Variants in GOLGB1 observed in about 807,000 individuals in gnomAD.
GOLGB1 encodes the protein golgin subfamily B member 1.
Under a neutral mutation model 336.9 loss-of-function variants are expected in GOLGB1, and 174 were observed. The ratio of observed to expected loss-of-function variants is 0.52; its 90% CI spans 0.46 to 0.59. The LOEUF (loss-of-function observed/expected upper bound fraction) is 0.59, where lower values mean the gene tolerates loss of function less well. Among genes scored for constraint, GOLGB1 ranks in the 20% least tolerant of loss-of-function variants. The pLI is 0.00. For missense variants in GOLGB1, 3,331 were observed against 3,645.3 expected, an observed-to-expected ratio of 0.91 and a Z score of 2.22; for synonymous variants, 1,208 against 1,289.2, an observed-to-expected ratio of 0.94 and a Z score of 1.35.
intron 1 of GOLGB1, among the ~76,000 whole-genome samples, chr3:121,745,974 GCATGTCCCTAGC>G (rs1383488474): frequency 1.3e-5 from 2 of 152,150 alleles, no homozygotes; most frequent in Non-Finnish European, 2.9e-5. Flanking sequence ...GAATTATAAA[GCATGTCCCTAGC>G]CACCGAAAAC....
chr3:121,669,755 C>T (rs762558900), intron 17 of GOLGB1, among the ~76,000 whole-genome samples: 6 of 152,140 alleles, frequency 3.9e-5, no homozygotes, highest in Non-Finnish European at 7.3e-5. Context: ...CTCAATATGG[C>T]TGGAGAGAGC....
chr3:121,716,295 A>C (rs1323207358), intron 9 of GOLGB1, among the ~76,000 whole-genome samples: 1 of 152,186 alleles, frequency 6.6e-6, no homozygotes, highest in African/African-American at 2.4e-5. Context: ...TAAGACAAGA[A>C]ATCAGGTGAA....
intron 17 of GOLGB1, among the ~76,000 whole-genome samples, chr3:121,674,814 G>T (rs1336491751): frequency 6.6e-6 from 1 of 151,182 alleles, no homozygotes; most frequent in African/African-American, 2.4e-5. Context: ...GGCTAGGAAT[G>T]AGGTGCCTTT....
At chr3:121,718,194 G>A (rs1427730655) in intron 8 of GOLGB1, among the ~76,000 whole-genome samples, 194 bp downstream of exon 8, 3 of 152,124 alleles carry the variant, frequency 2.0e-5, no homozygotes, top group Non-Finnish European at 4.4e-5. Context: ...CTCCATGAGG[G>A]AAAGAACTGT....
intron 19 of GOLGB1, 97 bp downstream of exon 19, chr3:121,667,962 CAT>C: frequency 1.6e-6 from 1 of 626,348 alleles, no homozygotes; most frequent in Non-Finnish European, 2.9e-6. Flanking sequence ...GATAACAAGA[CAT>C]ATTAAATCCA....
At position 121,714,966 on chromosome 3, in the gene GOLGB1, C is replaced by A. The variant is rs377629074; in HGVS notation, c.1299G>T (p.Gln433His). ...ATTGGCTAATTTCTTTGGATTTTTG[C>A]TGGAGCTGATCTAAGGAAAAGAAAA... ...QTIQQLEDQL[Q>H]QKSKEISQFL... The change falls in exon 10 of 22, where the codon CAG (glutamine) becomes CAT (histidine). Residue 433 changes from glutamine (Q) to histidine (H), a missense_variant. Coordinates refer to ENST00000614479, the MANE Select transcript of GOLGB1 (RefSeq NM_001366282.2). 6.3e-7 allele frequency: 1 copy of A among 1,593,108 alleles called. No individual in the cohort carries two copies. The highest frequency in any genetic ancestry group is 1.3e-5 in the African/African-American group (1 of 74,446).
chr3:121,724,235 G>A (rs1945392938), intron 5 of GOLGB1, among the ~76,000 whole-genome samples: 1 of 152,136 alleles, frequency 6.6e-6, no homozygotes, highest in Non-Finnish European at 1.5e-5. Flanking sequence ...ACTACAGAAA[G>A]CTTAGCACTC....
At chr3:121,704,970 C>G (rs945652944) in intron 10 of GOLGB1, among the ~76,000 whole-genome samples, 9 of 151,882 alleles carry the variant, frequency 5.9e-5, no homozygotes, top group African/African-American at 2.2e-4. Context: ...AAAACAGTAT[C>G]AAATAGATAT....
chr3:121,675,794 A>C lies in GOLGB1; in HGVS notation c.9177+1099T>G, dbSNP rs550893438. 3.9e-4 allele frequency among the ~76,000 whole-genome samples: 59 copies of C among 152,292 alleles called. 2 individuals carry two copies. The highest frequency in any genetic ancestry group is 1.5e-3 in the East Asian group (8 of 5,192). On this transcript the variant is annotated intron_variant, in intron 17 of 21. Coordinates refer to ENST00000614479, the MANE Select transcript of GOLGB1 (RefSeq NM_001366282.2). ...TTTTTAGTTGTTGCCCACCAAAATG[A>C]TTTCATCATTTATTAATGGTCCTGA...
chr3:121,694,297 T>C lies in GOLGB1; in HGVS notation c.6226A>G (p.Lys2076Glu). ...CTAGCTAATTCTGCTTGTGCCTTTT[T>C]GCGGTGTTCAACTGCTTGAGCCAGA... is the stretch of plus-strand genomic sequence containing the variant. Reference protein sequence around the residue: ...ENLAQAVEHRKKAQAELASFK... With the variant: ...ENLAQAVEHREKAQAELASFK... The change falls in exon 13 of 22, where the codon AAA becomes GAA. Residue 2076 changes from lysine (K) to glutamate (E), a missense_variant. By Grantham distance (56) the Lys-to-Glu change is moderately conservative. Coordinates refer to ENST00000614479, the MANE Select transcript of GOLGB1 (RefSeq NM_001366282.2). The C allele has an allele frequency of 6.2e-7, 1 of 1,610,800 alleles. No individual in the cohort carries two copies. The highest frequency in any genetic ancestry group is 1.1e-5 in the South Asian group (1 of 90,944).
intron 13 of GOLGB1, among the ~76,000 whole-genome samples, chr3:121,693,109 G>A (rs1475095735): frequency 6.6e-6 from 1 of 152,164 alleles, no homozygotes; most frequent in Non-Finnish European, 1.5e-5. Context: ...GTGGACTAAA[G>A]GAAGAAGAAA....
chr3:121,707,713 T>C (rs1399577893), intron 10 of GOLGB1, among the ~76,000 whole-genome samples: 1 of 152,088 alleles, frequency 6.6e-6, no homozygotes, highest in African/African-American at 2.4e-5. Flanking sequence ...AAGCCAGGGT[T>C]TGGCAAACTT....
At position 121,729,920 on chromosome 3, in the gene GOLGB1, T is replaced by C. The variant is rs201482655; in HGVS notation, c.194A>G (p.Lys65Arg). 1,070 of 1,611,296 alleles carry C rather than the reference T, an allele frequency of 6.6e-4. 2 individuals carry two copies. Among genetic ancestry groups the C allele is most frequent in the Non-Finnish European group, 8.8e-4 (1,040 of 1,177,594 alleles). Residue 65 changes from lysine (K) to arginine (R), a missense_variant, in exon 3 of 22, where the codon AAA (lysine) becomes AGA (arginine). Physicochemically the swap from Lys to Arg is conservative, Grantham distance 26. Transcript: ENST00000614479. ...AACATCCTTCTGTCTAATAATATCT[T>C]TTAGCTCCACCACCAATTGCTCTGC... is the stretch of plus-strand genomic sequence containing the variant. ...AYAEQLVVEL[K>R]DIIRQKDVQL...
At chr3:121,731,239 C>G (rs747600220) in intron 1 of GOLGB1, among the ~76,000 whole-genome samples, 3 of 152,138 alleles carry the variant, frequency 2.0e-5, no homozygotes, top group Non-Finnish European at 4.4e-5. Flanking sequence ...AGTACCTAAT[C>G]GTTAAACATT....
chr3:121,695,602 C>T lies in GOLGB1; in HGVS notation c.4921G>A (p.Val1641Met). 1 of 1,614,098 alleles carries T rather than the reference C, an allele frequency of 6.2e-7. No individual in the cohort carries two copies. Among genetic ancestry groups the T allele is most frequent in the Non-Finnish European group, 8.5e-7 (1 of 1,180,014 alleles). Residue 1641 changes from valine to methionine, a missense_variant, in exon 13 of 22, where the codon GTG (valine) becomes ATG (methionine). Val to Met is a conservative substitution (Grantham distance 21, BLOSUM62 1). Coordinates refer to ENST00000614479, the MANE Select transcript of GOLGB1 (RefSeq NM_001366282.2). ...SNEAERIQHV[V>M]EAVRQEKQEL... ...TGTTTCTCTTGCCTCACAGCTTCCACCACATGCTGAATCCTTTCTGCTTCA... is the reference window on the plus strand; with the variant it reads ...TGTTTCTCTTGCCTCACAGCTTCCATCACATGCTGAATCCTTTCTGCTTCA...
intron 14 of GOLGB1, among the ~76,000 whole-genome samples, chr3:121,685,574 TAAAA>T (rs937402850): frequency 1.5e-4 from 21 of 139,390 alleles, no homozygotes; most frequent in Admixed American, 3.5e-4. Context: ...AATAAATAAA[TAAAA>T]AGTGCATACA....
rs1399957590 is a variant in GOLGB1, at chr3:121,694,337, T to G, written c.6186A>C (p.Glu2062Asp). 4 of 1,612,076 alleles carry G rather than the reference T, an allele frequency of 2.5e-6. No homozygotes were observed. The highest frequency in any genetic ancestry group is 2.7e-5 in the African/African-American group (2 of 74,832). ...CTTGAGCCAGATTTTCTTTGGTTAT[T>G]TCCAAATCTTTTTGAGATTCAGTTT... The part of the protein sequence containing the change: ...FVQTESQKDL[E>D]ITKENLAQAV... The change falls in exon 13 of 22, where the codon GAA (glutamate) becomes GAC (aspartate). Residue 2062 changes from glutamate to aspartate, a missense_variant. Transcript: ENST00000614479.
intron 5 of GOLGB1, 90 bp downstream of exon 5, chr3:121,726,823 T>C (rs190920568): frequency 4.5e-6 from 4 of 896,258 alleles, no homozygotes; most frequent in African/African-American, 1.7e-5. Flanking sequence ...ATGCCCATTG[T>C]GCATCTAGAA....
rs576594050 is a variant in GOLGB1, at chr3:121,669,749, A to G, written c.9178-394T>C. ...AAATGACTATAATCTCCAGAACTCAATATGGCTGGAGAGAGCTGTCACCCC... is the reference window on the plus strand; with the variant it reads ...AAATGACTATAATCTCCAGAACTCAGTATGGCTGGAGAGAGCTGTCACCCC... On this transcript the variant is annotated intron_variant, in intron 17 of 21. Coordinates refer to ENST00000614479, the MANE Select transcript of GOLGB1 (RefSeq NM_001366282.2). Among the ~76,000 whole-genome samples, 2 of 152,322 alleles carry G rather than the reference A, an allele frequency of 1.3e-5. 1 individual carries two copies. Among genetic ancestry groups the G allele is most frequent in the East Asian group, 3.8e-4 (2 of 5,196 alleles).
Sources: gnomAD v4.1 joint callset for allele counts (sites outside exome capture counted in the v4.1 genomes callset) on GRCh38, gnomAD v4.1.1 for gene constraint, MANE v1.5 for transcripts, NCBI Gene and HGNC (gene_info 2026-07-23, HGNC 2026-07-21) for gene names.